MRPL47: variants seen among roughly 807,000 people sequenced by gnomAD.
MRPL47 encodes the protein large ribosomal subunit protein uL29m.
A neutral mutation model predicts 34.0 loss-of-function variants in MRPL47; 31 were observed. The observed-to-expected ratio is 0.91, with a 90% CI of 0.68 to 1.23. The LOEUF is 1.23. Ranked by LOEUF, MRPL47 falls within the 50% of genes most tolerant of loss-of-function variation. The probability of loss-of-function intolerance (pLI) is 0.00; values close to 1 mark genes in which losing one functional copy is unlikely to be tolerated. For synonymous variants in MRPL47, 106 were observed against 101.6 expected (o/e 1.04, Z -0.26); for missense variants, 328 against 285.8 (o/e 1.15, Z -1.07).
intron 6 of MRPL47, among the ~76,000 whole-genome samples, chr3:179,589,645 G>A (rs1313094213): frequency 6.6e-6 from 1 of 152,072 alleles, no homozygotes; most frequent in South Asian, 2.1e-4. Context: ...CAGCAATAAA[G>A]ATGTACTGCT....
intron 3 of MRPL47, 28 bp from the exon 4 acceptor site, chr3:179,598,799 T>C (rs747701283): frequency 1.4e-6 from 2 of 1,403,622 alleles, no homozygotes; most frequent in East Asian, 4.6e-5. Flanking sequence ...AACCTTGTGA[T>C]GCTATTCTGT....
rs1020488560 is a variant in MRPL47, at chr3:179,604,564, G to C, written c.61C>G (p.Arg21Gly). 6.2e-7 allele frequency: 1 copy of C among 1,614,186 alleles called. No individual in the cohort carries two copies. Among genetic ancestry groups the C allele is most frequent in the Non-Finnish European group, 8.5e-7 (1 of 1,180,042 alleles). ...RRVSSALKSS[R>G]SLITPQVPAC... Reference sequence around the variant, plus strand: ...GGGACCTGAGGAGTTATTAACGATCGGGAAGATTTCAGGGCGGATGAAACT... The same window carrying C: ...GGGACCTGAGGAGTTATTAACGATCCGGAAGATTTCAGGGCGGATGAAACT... Residue 21 changes from arginine (R) to glycine (G), a missense_variant, in exon 1 of 7, where the codon CGA becomes GGA. Transcript: ENST00000476781.
chr3:179,602,690 T>G lies in MRPL47; in HGVS notation c.206A>C (p.Asp69Ala). 2 of 1,611,428 alleles carry G rather than the reference T, an allele frequency of 1.2e-6. No homozygotes were observed. The highest frequency in any genetic ancestry group is 1.7e-6 in the Non-Finnish European group (2 of 1,178,966). The change falls in exon 2 of 7, where the codon GAT (aspartate) becomes GCT (alanine). Residue 69 changes from aspartate (D) to alanine (A), a missense_variant. Transcript: ENST00000476781. ...TTCTTGCCCCCAGTTTTTTGGGTCA[T>G]CAAAAAATTCTTCTAGTCCTTTCCT... is the stretch of plus-strand genomic sequence containing the variant. ...LSRKGLEEFF[D>A]DPKNWGQEKV...
chr3:179,604,496 G>C (rs1719012039), intron 1 of MRPL47, 31 bp downstream of exon 1: 1 of 1,584,412 alleles, frequency 6.3e-7, no homozygotes, highest in South Asian at 1.1e-5. Flanking sequence ...AAGTTGGAGA[G>C]GTGGGCAAAC....
intron 6 of MRPL47, among the ~76,000 whole-genome samples, chr3:179,590,668 G>A (rs1158249215): frequency 6.7e-6 from 1 of 148,828 alleles, no homozygotes; most frequent in Non-Finnish European, 1.5e-5. Flanking sequence ...AGAAGCTGTT[G>A]TATGTTTCTG....
intron 2 of MRPL47, 109 bp downstream of exon 2, chr3:179,602,543 C>A: frequency 1.7e-6 from 1 of 593,172 alleles, no homozygotes; most frequent in Non-Finnish European, 2.8e-6. Context: ...AAAAAGGAAA[C>A]ATCTAAATAA....
At chr3:179,600,616 T>C (rs1209869491) in intron 3 of MRPL47, among the ~76,000 whole-genome samples, 1 of 152,120 alleles carries the variant, frequency 6.6e-6, no homozygotes, top group East Asian at 1.9e-4. Flanking sequence ...AATTGCAGCC[T>C]GGGTGACAGA....
intron 4 of MRPL47, among the ~76,000 whole-genome samples, chr3:179,595,203 A>C (rs1244099653): frequency 6.6e-6 from 1 of 151,818 alleles, no homozygotes; most frequent in Admixed American, 6.6e-5. Context: ...GCACCACCAC[A>C]CCCGACTAAT....
At chr3:179,600,568 G>C (rs1718904194) in intron 3 of MRPL47, among the ~76,000 whole-genome samples, 1 of 152,186 alleles carries the variant, frequency 6.6e-6, no homozygotes, top group African/African-American at 2.4e-5. Context: ...CTTGAACCTG[G>C]GAGGTGGAGG....
At chr3:179,601,324 T>C (rs1718920797) in intron 3 of MRPL47, among the ~76,000 whole-genome samples, 1 of 152,152 alleles carries the variant, frequency 6.6e-6, no homozygotes, top group Non-Finnish European at 1.5e-5. Context: ...GGGGGATCAC[T>C]TGAGCCCAGG....
chr3:179,603,904 G>A (rs1040174739), intron 1 of MRPL47, among the ~76,000 whole-genome samples: 2 of 150,668 alleles, frequency 1.3e-5, no homozygotes, highest in African/African-American at 2.4e-5. Context: ...ATCTTATAAT[G>A]AGGAAACAAT....
At chr3:179,597,785 A>G (rs955131942) in intron 4 of MRPL47, among the ~76,000 whole-genome samples, 15 of 152,004 alleles carry the variant, frequency 9.9e-5, no homozygotes, top group African/African-American at 3.6e-4. Flanking sequence ...TCCAGCCTGG[A>G]CAACAAGAGC....
chr3:179,601,802 A>C lies in MRPL47; in HGVS notation c.245-12T>G, dbSNP rs1185793314. ...GGTCCATGCTGCTCCTATTAAAATA[A>C]TACATAACATGAAATAACATTTCTA... On this transcript the variant is annotated splice_polypyrimidine_tract_variant and intron_variant, in intron 2 of 6. Coordinates refer to ENST00000476781, the MANE Select transcript of MRPL47 (RefSeq NM_020409.3). 2 of 1,591,218 alleles carry C rather than the reference A, an allele frequency of 1.3e-6. No homozygotes were observed. The highest frequency in any genetic ancestry group is 1.1e-5 in the South Asian group (1 of 89,446).
At chr3:179,603,932 A>G (rs900239792) in intron 1 of MRPL47, among the ~76,000 whole-genome samples, 5 of 152,096 alleles carry the variant, frequency 3.3e-5, no homozygotes, top group African/African-American at 1.2e-4. Context: ...ATCCAAATGA[A>G]TAAGATTCTT....
At chr3:179,594,646 C>T (rs1003041861) in intron 4 of MRPL47, among the ~76,000 whole-genome samples, 2 of 152,138 alleles carry the variant, frequency 1.3e-5, no homozygotes, top group African/African-American at 4.8e-5. Flanking sequence ...CCACACCCGG[C>T]TAATTTTTTG....
chr3:179,593,752 G>A lies in MRPL47; in HGVS notation c.533+13C>T, dbSNP rs765768228. On this transcript the variant is annotated intron_variant, in intron 5 of 6. Transcript: ENST00000476781. ...ACTCTCATCTTAGAAGAGCCACAGT[G>A]TTAACTACATACCAGATGATTCTTC... The A allele has an allele frequency of 6.2e-7, 1 of 1,610,054 alleles. No individual in the cohort carries two copies. Among genetic ancestry groups the A allele is most frequent in the Non-Finnish European group, 8.5e-7 (1 of 1,178,598 alleles).
chr3:179,604,116 C>T (rs1718999601), intron 1 of MRPL47, among the ~76,000 whole-genome samples: 1 of 152,152 alleles, frequency 6.6e-6, no homozygotes, highest in Non-Finnish European at 1.5e-5. Context: ...CAGTTACTTT[C>T]ATTGTAACAC....
rs1718594788 is a variant in MRPL47 at position 179,588,922 on chromosome 3, A to G, written c.703T>C (p.Leu235=). The stretch of plus-strand genomic sequence containing the variant: ...TCAGCAAGATGTGGAAACTTTTTTA[A>G]AAGAATTTTTGCTTTCTTTCTCTCT... ...NLERKKAKIL[L]KKFPHLAEAQ... The change falls in exon 7 of 7, where the codon TTA becomes CTA. Residue 235 remains leucine, a synonymous_variant. Transcript: ENST00000476781. 4 of 1,613,820 alleles carry G rather than the reference A, an allele frequency of 2.5e-6. No individual in the cohort carries two copies. The highest frequency in any genetic ancestry group is 2.2e-5 in the East Asian group (1 of 44,838).
At chr3:179,599,469 G>A (rs1423335180) in intron 3 of MRPL47, among the ~76,000 whole-genome samples, 1 of 152,196 alleles carries the variant, frequency 6.6e-6, no homozygotes, top group Admixed American at 6.5e-5. Flanking sequence ...CACCTTCTGA[G>A]GTTGGTATTA....
Sources: allele counts gnomAD v4.1 joint callset (sites outside exome capture counted in the v4.1 genomes callset), GRCh38; gene constraint gnomAD v4.1.1; transcripts MANE v1.5; gene names NCBI Gene and HGNC (gene_info 2026-07-23, HGNC 2026-07-21).